The following KLHL29 variants were observed in gnomAD, a reference collection of about 807,000 sequenced individuals.
The protein encoded by KLHL29 is kelch like family member 29.
In KLHL29, 21 loss-of-function variants were observed where a neutral mutation model predicts 80.4. That is an observed-to-expected ratio of 0.26 (90% confidence interval 0.19 to 0.38). The LOEUF is 0.38. Among genes scored for constraint, KLHL29 ranks in the 10% least tolerant of loss-of-function variants. The pLI is 1.00. For missense variants in KLHL29, 867 were observed against 1,223.9 expected (o/e 0.71, Z 4.35); for synonymous variants, 511 against 526.8 (o/e 0.97, Z 0.41).
At chr2:23,585,817 G>A (rs1025604727) in intron 3 of KLHL29, among the ~76,000 whole-genome samples, 1 of 152,162 alleles carries the variant, frequency 6.6e-6, no homozygotes, top group East Asian at 1.9e-4. Context: ...TCCCAGAAAC[G>A]AACTTCCAAG....
At chr2:23,402,818 T>C (rs1666625958) in intron 1 of KLHL29, among the ~76,000 whole-genome samples, 1 of 151,974 alleles carries the variant, frequency 6.6e-6, no homozygotes, top group African/African-American at 2.4e-5. Flanking sequence ...TAAGGAAACT[T>C]AATTAATACA....
At chr2:23,434,628 A>G (rs1239083050) in intron 1 of KLHL29, among the ~76,000 whole-genome samples, 1 of 152,220 alleles carries the variant, frequency 6.6e-6, no homozygotes. Flanking sequence ...ATTTCTGGTG[A>G]GCCAGTTACT....
At chr2:23,679,020 A>G (rs1671001129) in intron 5 of KLHL29, among the ~76,000 whole-genome samples, 1 of 150,094 alleles carries the variant, frequency 6.7e-6, no homozygotes, top group South Asian at 2.1e-4. Flanking sequence ...ACTGAACTGG[A>G]CACTTTAAAA....
At chr2:23,481,497 G>A (rs890902595) in intron 2 of KLHL29, among the ~76,000 whole-genome samples, 8 of 152,292 alleles carry the variant, frequency 5.3e-5, no homozygotes, top group South Asian at 2.1e-4. Flanking sequence ...GTCAGCCCTC[G>A]CTGGAAAGAG....
intron 2 of KLHL29, among the ~76,000 whole-genome samples, chr2:23,504,806 T>C (rs541271541): frequency 1.3e-5 from 2 of 152,340 alleles, no homozygotes; most frequent in Admixed American, 1.3e-4. Context: ...CTCAGTCTGC[T>C]CAGGGGCCTT....
chr2:23,435,063 G>A (rs1663299863), intron 1 of KLHL29, among the ~76,000 whole-genome samples: 1 of 152,198 alleles, frequency 6.6e-6, no homozygotes, highest in Admixed American at 6.5e-5. Flanking sequence ...CCTCAGGGCT[G>A]GTGTGAGGCC....
chr2:23,469,282 GT>G, intron 1 of KLHL29, among the ~76,000 whole-genome samples: 1 of 152,336 alleles, frequency 6.6e-6, no homozygotes, highest in Admixed American at 6.5e-5. Flanking sequence ...CCTGGAGGGT[GT>G]TGGAGAAAAG....
At chr2:23,450,257 C>T (rs182440183) in intron 1 of KLHL29, among the ~76,000 whole-genome samples, 5 of 152,212 alleles carry the variant, frequency 3.3e-5, no homozygotes, top group East Asian at 1.9e-4. Context: ...CAGGTCATGC[C>T]GCTTAGCTGG....
chr2:23,612,192 C>G (rs1398979000), intron 3 of KLHL29, among the ~76,000 whole-genome samples: 2 of 152,126 alleles, frequency 1.3e-5, no homozygotes, highest in Admixed American at 1.3e-4. Flanking sequence ...CAGAGTAAAA[C>G]TGCTGAAAAT....
chr2:23,682,930 G>A lies in KLHL29; in HGVS notation c.941-1469G>A, dbSNP rs945265890. Among the ~76,000 whole-genome samples the A allele has an allele frequency of 1.1e-4, 17 of 152,142 alleles. No homozygotes were observed. Among genetic ancestry groups the A allele is most frequent in the South Asian group, 1.0e-3 (5 of 4,816 alleles). On this transcript the variant is annotated intron_variant, in intron 5 of 13. Transcript: ENST00000486442. The surrounding 1 kb of genome is among the most constrained non-coding windows in gnomAD (Gnocchi z 4.1). ...CCCAGAGGGCAGGGCCCCCAACCCC[G>A]ATCCCTGAACATGCATGTGGCGTGT...
At position 23,596,863 on chromosome 2, in the gene KLHL29, C is replaced by T. The variant is rs907282697; in HGVS notation, c.285+34382C>T. ...ATTTTTCAGATTTTCCTCCTTCTTA[C>T]TCATGGCACTCATGTAAGTGCTACT... is the stretch of plus-strand genomic sequence containing the variant. On this transcript the variant is annotated intron_variant, in intron 3 of 13. Coordinates refer to ENST00000486442, the MANE Select transcript of KLHL29 (RefSeq NM_052920.2). The surrounding 1 kb of genome is among the most constrained non-coding windows in gnomAD (Gnocchi z 4.4). Among the ~76,000 whole-genome samples the T allele has an allele frequency of 1.3e-5, 2 of 152,166 alleles. No homozygotes were observed. The highest frequency in any genetic ancestry group is 4.8e-5 in the African/African-American group (2 of 41,438).
chr2:23,665,272 C>T (rs533082272), intron 5 of KLHL29, among the ~76,000 whole-genome samples: 1 of 152,306 alleles, frequency 6.6e-6, no homozygotes, highest in African/African-American at 2.4e-5. Context: ...CCACCAGGGG[C>T]GCAGGGCTTG....
At position 23,693,449 on chromosome 2, in the gene KLHL29, G is replaced by A; in HGVS notation, c.1463G>A (p.Ser488Asn). ...DDFIAYVSND[S>N]LNTKAEELVY... Reference sequence around the variant, plus strand: ...TTCATCGCCTACGTCTCCAACGACAGCCTCAACACCAAGGCTGAGGAGCTG... The same window carrying A: ...TTCATCGCCTACGTCTCCAACGACAACCTCAACACCAAGGCTGAGGAGCTG... Residue 488 changes from serine (S) to asparagine (N), a missense_variant, in exon 8 of 14, where the codon AGC (serine) becomes AAC (asparagine). Physicochemically the swap from Ser to Asn is conservative, Grantham distance 46. Coordinates refer to ENST00000486442, the MANE Select transcript of KLHL29 (RefSeq NM_052920.2). The A allele has an allele frequency of 6.4e-7, 1 of 1,551,744 alleles. No individual in the cohort carries two copies. Among genetic ancestry groups the A allele is most frequent in the Non-Finnish European group, 8.7e-7 (1 of 1,146,992 alleles).
intron 5 of KLHL29, among the ~76,000 whole-genome samples, chr2:23,675,340 C>T (rs938623239): frequency 1.3e-5 from 2 of 152,172 alleles, no homozygotes; most frequent in African/African-American, 2.4e-5. Flanking sequence ...GACCCACCCC[C>T]ACCTCTGCAA....
chr2:23,439,966 C>T (rs941657902), intron 1 of KLHL29, among the ~76,000 whole-genome samples: 5 of 150,888 alleles, frequency 3.3e-5, no homozygotes, highest in Non-Finnish European at 7.4e-5. Flanking sequence ...GTAGGTCACT[C>T]AGGACTTGCT....
chr2:23,703,878 C>T lies in KLHL29; in HGVS notation c.2444+15C>T, dbSNP rs772197706. On this transcript the variant is annotated intron_variant, in intron 13 of 13. Coordinates refer to ENST00000486442, the MANE Select transcript of KLHL29 (RefSeq NM_052920.2). ...CAGTTCTGCAGGTGAGAGGCTGCGG[C>T]GCCTTGACTAGGGCTGGGACGGAGG... The T allele has an allele frequency of 4.9e-5, 75 of 1,532,542 alleles. No homozygotes were observed. The highest frequency in any genetic ancestry group is 3.7e-4 in the South Asian group (31 of 83,198). 94.9% of individuals were successfully genotyped at this position (1,532,542 alleles called of 1,614,324 possible).
At chr2:23,666,627 A>G (rs1453877193) in intron 5 of KLHL29, among the ~76,000 whole-genome samples, 7 of 152,250 alleles carry the variant, frequency 4.6e-5, no homozygotes, top group Non-Finnish European at 1.0e-4. Context: ...AGGAGAGTCC[A>G]TTGAGGAAAT....
intron 2 of KLHL29, among the ~76,000 whole-genome samples, chr2:23,486,573 G>A (rs1393935341): frequency 6.6e-6 from 1 of 152,212 alleles, no homozygotes; most frequent in African/African-American, 2.4e-5. Context: ...GGCCTCAGAA[G>A]TTATGTCAGC....
chr2:23,513,429 A>G (rs1371986699), intron 2 of KLHL29, among the ~76,000 whole-genome samples: 1 of 152,146 alleles, frequency 6.6e-6, no homozygotes, highest in Non-Finnish European at 1.5e-5. Flanking sequence ...TTGCCTTCTG[A>G]GCCACGCCCT....
Sources: gnomAD v4.1 joint callset for allele counts (sites outside exome capture counted in the v4.1 genomes callset) on GRCh38, gnomAD v4.1.1 for gene constraint, Gnocchi (gnomAD v3.1) non-coding constraint, MANE v1.5 for transcripts, NCBI Gene and HGNC (gene_info 2026-07-23, HGNC 2026-07-21) for gene names.